Variants in SLC9A9 observed in about 807,000 individuals in gnomAD.
The protein encoded by SLC9A9 is sodium/hydrogen exchanger 9.
Under a neutral mutation model 77.8 loss-of-function variants are expected in SLC9A9, and 62 were observed. That is an observed-to-expected ratio of 0.80 (90% CI 0.65 to 0.98). SLC9A9 has a LOEUF of 0.98. Ranked by LOEUF, SLC9A9 falls within the 50% of genes least tolerant of loss-of-function variation. SLC9A9 has a pLI of 0.00. For synonymous variants in SLC9A9, 320 were observed against 283.5 expected (o/e 1.13, Z -1.29); for missense variants, 775 against 774.9 (o/e 1.00, Z 0.00).
chr3:143,714,474 A>G (rs1934280731), intron 4 of SLC9A9, among the ~76,000 whole-genome samples: 1 of 152,184 alleles, frequency 6.6e-6, no homozygotes, highest in African/African-American at 2.4e-5. Flanking sequence ...CCAGTCTAAT[A>G]TATCTCTTCT....
chr3:143,796,501 A>G (rs1354212026), intron 3 of SLC9A9, among the ~76,000 whole-genome samples: 1 of 152,238 alleles, frequency 6.6e-6, no homozygotes, highest in East Asian at 1.9e-4. Context: ...ATCAATATAA[A>G]ACATTATGGA....
intron 9 of SLC9A9, among the ~76,000 whole-genome samples, chr3:143,515,448 G>A (rs1177159159): frequency 6.6e-6 from 1 of 152,122 alleles, no homozygotes; most frequent in African/African-American, 2.4e-5. Context: ...GCACAATAAA[G>A]AGAAGCACAA....
At chr3:143,454,091 G>T (rs1373929337) in intron 12 of SLC9A9, among the ~76,000 whole-genome samples, 1 of 152,144 alleles carries the variant, frequency 6.6e-6, no homozygotes, top group Non-Finnish European at 1.5e-5. Flanking sequence ...GGACTTCCCA[G>T]CTTCTAGAAC....
At chr3:143,414,935 A>C (rs1362702358) in intron 12 of SLC9A9, among the ~76,000 whole-genome samples, 1 of 152,238 alleles carries the variant, frequency 6.6e-6, no homozygotes, top group Non-Finnish European at 1.5e-5. Flanking sequence ...GAGTTCTTGA[A>C]GGAAGTTAAA....
intron 5 of SLC9A9, among the ~76,000 whole-genome samples, chr3:143,688,561 CTT>C (rs1294432958): frequency 1.3e-5 from 2 of 152,110 alleles, no homozygotes; most frequent in African/African-American, 4.8e-5. Flanking sequence ...AATTTATACT[CTT>C]GAGTCCATGC....
rs933333469 is a variant in SLC9A9, at chr3:143,286,640, G to T, written c.1605-17660C>A. On this transcript the variant is annotated intron_variant, in intron 14 of 15. Transcript: ENST00000316549. ...CTCAGACTAAAGCTGCCATTGTTTT[G>T]TGCTGTGGGGCTATGTTCTTTTCTG... 2.0e-5 allele frequency among the ~76,000 whole-genome samples: 3 copies of T among 152,248 alleles called. No homozygotes were observed. In the South Asian group the frequency reaches 6.2e-4, roughly 32 times the overall value.
chr3:143,714,948 T>A (rs1256168992), intron 4 of SLC9A9, among the ~76,000 whole-genome samples: 2 of 152,202 alleles, frequency 1.3e-5, no homozygotes, highest in East Asian at 3.8e-4. Flanking sequence ...GCGGTTCTCA[T>A]GATAGTGAAT....
intron 4 of SLC9A9, among the ~76,000 whole-genome samples, chr3:143,727,549 C>G (rs548656252): frequency 8.5e-4 from 130 of 152,130 alleles, no homozygotes; most frequent in African/African-American, 3.0e-3. Flanking sequence ...GTTTCTTTTA[C>G]TATGATTAGA....
intron 9 of SLC9A9, among the ~76,000 whole-genome samples, chr3:143,545,231 T>C (rs1054606649): frequency 3.3e-5 from 5 of 152,190 alleles, no homozygotes; most frequent in African/African-American, 1.2e-4. Context: ...CCTAATTAAC[T>C]CTACACCCAA....
rs141095672 is a variant in SLC9A9, at chr3:143,593,709, C to A, written c.756-14986G>T. Among the ~76,000 whole-genome samples the A allele has an allele frequency of 5.3e-5, 8 of 152,266 alleles. No individual in the cohort carries two copies. In the East Asian group the frequency reaches 5.8e-4, roughly 11 times the overall value. ...CTGTAAAATTTATAGTGAGAAATAG[C>A]AAAATCCTTGTTTTTATTCATGAAA... is the stretch of plus-strand genomic sequence containing the variant. On this transcript the variant is annotated intron_variant, in intron 6 of 15. Coordinates refer to ENST00000316549, the MANE Select transcript of SLC9A9 (RefSeq NM_173653.4).
chr3:143,450,183 G>A (rs2034978874), intron 12 of SLC9A9, among the ~76,000 whole-genome samples: 1 of 128,990 alleles, frequency 7.8e-6, no homozygotes, highest in African/African-American at 2.9e-5. Context: ...ATTATATTAT[G>A]TAAATATAAT....
At chr3:143,528,120 C>T (rs534613918) in intron 9 of SLC9A9, among the ~76,000 whole-genome samples, 10 of 152,316 alleles carry the variant, frequency 6.6e-5, no homozygotes, top group African/African-American at 2.4e-4. Context: ...ATGACAGTTA[C>T]TCAATGTAGA....
intron 14 of SLC9A9, among the ~76,000 whole-genome samples, chr3:143,313,965 C>T (rs2108439879): frequency 6.6e-6 from 1 of 152,344 alleles, no homozygotes; most frequent in East Asian, 1.9e-4. Context: ...CCATAGCTGC[C>T]TCTCTGTGGG....
At chr3:143,394,286 G>A (rs2033644466) in intron 12 of SLC9A9, among the ~76,000 whole-genome samples, 1 of 152,126 alleles carries the variant, frequency 6.6e-6, no homozygotes, top group Non-Finnish European at 1.5e-5. Context: ...TGGGATGCAA[G>A]GCTGGTTCAA....
chr3:143,506,742 C>T (rs1482348030), intron 9 of SLC9A9, among the ~76,000 whole-genome samples: 1 of 151,732 alleles, frequency 6.6e-6, no homozygotes, highest in East Asian at 1.9e-4. Context: ...AACAAGTGTC[C>T]TCCAAAAGAT....
chr3:143,842,391 A>G (rs529073604), intron 1 of SLC9A9, among the ~76,000 whole-genome samples: 67 of 152,266 alleles, frequency 4.4e-4, no homozygotes, highest in African/African-American at 1.5e-3. Context: ...AAAAAAGCAA[A>G]CAAACAAACA....
intron 2 of SLC9A9, among the ~76,000 whole-genome samples, chr3:143,824,770 TA>T (rs1269390230): frequency 6.6e-6 from 1 of 152,238 alleles, no homozygotes; most frequent in Non-Finnish European, 1.5e-5. Context: ...ATGGAATATT[TA>T]GAGTCTTTAA....
chr3:143,422,789 A>G (rs577376383), intron 12 of SLC9A9, among the ~76,000 whole-genome samples: 28 of 152,344 alleles, frequency 1.8e-4, no homozygotes, highest in African/African-American at 6.5e-4. Context: ...CAGTTGTGTC[A>G]CTGTTCAAGA....
At chr3:143,382,026 C>A in intron 13 of SLC9A9, 34 bp downstream of exon 13, 1 of 1,612,330 alleles carries the variant, frequency 6.2e-7, no homozygotes, top group South Asian at 1.1e-5. Flanking sequence ...ACAATCATAT[C>A]TCTATATAAT....
Sources: gnomAD v4.1 joint callset for allele counts (sites outside exome capture counted in the v4.1 genomes callset) on GRCh38, gnomAD v4.1.1 for gene constraint, MANE v1.5 for transcripts, NCBI Gene and HGNC (gene_info 2026-07-23, HGNC 2026-07-21) for gene names.